The following SLC24A3 variants were observed in gnomAD, a reference collection of about 807,000 sequenced individuals.
The protein encoded by SLC24A3 is solute carrier family 24 member 3, also known as sodium/potassium/calcium exchanger 3.
A neutral mutation model predicts 75.8 loss-of-function variants in SLC24A3; 28 were observed. The ratio of observed to expected loss-of-function variants is 0.37; its 90% CI spans 0.27 to 0.51. The LOEUF is 0.51. SLC24A3 is among the 20% of genes least tolerant of loss of function. SLC24A3 has a pLI of 0.94. For missense variants in SLC24A3, 663 were observed against 847.8 expected, an observed-to-expected ratio of 0.78 and a Z score of 2.71; for synonymous variants, 372 against 334.1, an observed-to-expected ratio of 1.11 and a Z score of -1.24.
At chr20:19,303,672 A>G (rs1465658975) in intron 2 of SLC24A3, among the ~76,000 whole-genome samples, 1 of 152,204 alleles carries the variant, frequency 6.6e-6, no homozygotes, top group East Asian at 1.9e-4. Context: ...GGACTGCTTT[A>G]TCTTCTAAAA....
At chr20:19,319,270 T>C (rs1984653366) in intron 2 of SLC24A3, among the ~76,000 whole-genome samples, 1 of 152,196 alleles carries the variant, frequency 6.6e-6, no homozygotes, top group Admixed American at 6.5e-5. Context: ...TAAATATGCA[T>C]GTGTGTTTAT....
intron 2 of SLC24A3, among the ~76,000 whole-genome samples, chr20:19,482,497 A>C (rs902895038): frequency 2.0e-5 from 3 of 152,196 alleles, no homozygotes; most frequent in African/African-American, 7.2e-5. Flanking sequence ...GGTGCTTATC[A>C]AGTTGAAACT....
At chr20:19,238,699 C>G (rs1982240116) in intron 1 of SLC24A3, among the ~76,000 whole-genome samples, 1 of 152,170 alleles carries the variant, frequency 6.6e-6, no homozygotes, top group African/African-American at 2.4e-5. Context: ...GGGGAGGGAG[C>G]AGTTGCCAGT....
At position 19,585,561 on chromosome 20, in the gene SLC24A3, CT is replaced by C; in HGVS notation, c.612+20del. ...GCTGGGCAGGTAAGACTGGCGGCTT[CT>C]TTGTGATGGCAAAATGTGACATTGG... On this transcript the variant is annotated intron_variant, in intron 6 of 16. Coordinates refer to ENST00000328041, the MANE Select transcript of SLC24A3 (RefSeq NM_020689.4). The C allele has an allele frequency of 6.2e-7, 1 of 1,610,256 alleles. No homozygotes were observed. The highest frequency in any genetic ancestry group is 8.5e-7 in the Non-Finnish European group (1 of 1,177,588).
intron 6 of SLC24A3, among the ~76,000 whole-genome samples, chr20:19,649,845 C>T (rs115576996): frequency 0.012 from 1,756 of 152,310 alleles, 32 homozygotes; most frequent in African/African-American, 0.04. Flanking sequence ...GCTGGTATTA[C>T]CAACCTGGCT....
At chr20:19,312,089 A>G (rs558432702) in intron 2 of SLC24A3, among the ~76,000 whole-genome samples, 2 of 152,360 alleles carry the variant, frequency 1.3e-5, no homozygotes, top group South Asian at 4.1e-4. Flanking sequence ...GAAAATTGCC[A>G]TGTGAACCAA....
intron 2 of SLC24A3, among the ~76,000 whole-genome samples, chr20:19,292,417 A>T (rs1600414767): frequency 1.3e-5 from 2 of 152,212 alleles, no homozygotes; most frequent in African/African-American, 4.8e-5. Context: ...TACTACAAAA[A>T]CCCAGGCGGA....
At chr20:19,403,294 T>A (rs554153056) in intron 2 of SLC24A3, among the ~76,000 whole-genome samples, 7 of 152,234 alleles carry the variant, frequency 4.6e-5, no homozygotes, top group Non-Finnish European at 1.0e-4. Context: ...TTAAACTTGT[T>A]ATTCATTATT....
rs1053262832 is a variant in SLC24A3 at position 19,600,080 on chromosome 20, A to AG, written c.612+14539dup. ...TTGAAGGCCCGTGGGGGTCATTCTG[A>AG]GGGAAGGCCTCAGTGCTCTTGGTAC... On this transcript the variant is annotated intron_variant, in intron 6 of 16. Coordinates refer to ENST00000328041, the MANE Select transcript of SLC24A3 (RefSeq NM_020689.4). 4.7e-4 allele frequency among the ~76,000 whole-genome samples: 71 copies of AG among 152,230 alleles called. 1 individual carries two copies. Among genetic ancestry groups the AG allele is most frequent in the Middle Eastern group, 6.8e-3 (2 of 294 alleles).
At chr20:19,571,301 T>G (rs1324734686) in intron 3 of SLC24A3, among the ~76,000 whole-genome samples, 2 of 152,252 alleles carry the variant, frequency 1.3e-5, no homozygotes, top group African/African-American at 4.8e-5. Flanking sequence ...CAAACCTTGT[T>G]CCCAGAGCCT....
chr20:19,316,172 T>C (rs1984581243), intron 2 of SLC24A3, among the ~76,000 whole-genome samples: 1 of 152,210 alleles, frequency 6.6e-6, no homozygotes, highest in South Asian at 2.1e-4. Context: ...CTACTGAATG[T>C]GCATCACTTT....
At chr20:19,472,542 CCCT>C (rs1023594007) in intron 2 of SLC24A3, among the ~76,000 whole-genome samples, 16 of 152,292 alleles carry the variant, frequency 1.1e-4, no homozygotes, top group African/African-American at 3.8e-4. Context: ...TGTGTTACTT[CCCT>C]CCTCCAGCCA....
intron 1 of SLC24A3, among the ~76,000 whole-genome samples, chr20:19,234,864 C>T (rs1300474913): frequency 6.6e-6 from 1 of 152,224 alleles, no homozygotes; most frequent in Non-Finnish European, 1.5e-5. Flanking sequence ...TGGTCACACA[C>T]ACTCCTTATA....
At chr20:19,327,005 C>A (rs537767030) in intron 2 of SLC24A3, among the ~76,000 whole-genome samples, 1 of 152,218 alleles carries the variant, frequency 6.6e-6, no homozygotes, top group African/African-American at 2.4e-5. Context: ...TTGCGGCCTT[C>A]CCATTTTATG....
intron 2 of SLC24A3, among the ~76,000 whole-genome samples, chr20:19,292,438 A>G (rs1983963666): frequency 6.6e-6 from 1 of 152,228 alleles, no homozygotes; most frequent in Non-Finnish European, 1.5e-5. Context: ...AAGTAAAAAT[A>G]GTCTTAGTTG....
chr20:19,291,171 G>T (rs1340735260), intron 2 of SLC24A3, among the ~76,000 whole-genome samples: 1 of 152,212 alleles, frequency 6.6e-6, no homozygotes, highest in African/African-American at 2.4e-5. Context: ...GGGCCTTGGG[G>T]CACATCTCCC....
Position 19,323,184 on chromosome 20 carries a change from C to T in SLC24A3, c.271+42097C>T, listed in dbSNP as rs1432311255. ...TCGCGCCACTGCACTCCAGCCTGGG[C>T]GACAGAGCGAGACTCCGTCTCAAAA... On this transcript the variant is annotated intron_variant, in intron 2 of 16. Transcript: ENST00000328041. Among the ~76,000 whole-genome samples the T allele has an allele frequency of 9.6e-5, 12 of 124,468 alleles. 1 individual carries two copies. The East Asian group carries it at 1.8e-3, about 18-fold the overall frequency. 81.7% of individuals were successfully genotyped at this position (124,468 alleles called of 152,430 possible).
chr20:19,691,185 G>T (rs910291857), intron 12 of SLC24A3, among the ~76,000 whole-genome samples: 2 of 152,152 alleles, frequency 1.3e-5, no homozygotes, highest in African/African-American at 4.8e-5. Context: ...AAAAATATTT[G>T]CTATGAAACA....
rs77511714 is a variant in SLC24A3 at position 19,248,177 on chromosome 20, T to C, written c.143-32782T>C. Among the ~76,000 whole-genome samples, 1,057 of 152,314 alleles carry C rather than the reference T, an allele frequency of 6.9e-3. 5 individuals carry two copies. The highest frequency in any genetic ancestry group is 0.017 in the East Asian group (89 of 5,176). Reference sequence around the variant, plus strand: ...GAGGGCTTGGAGAAAATCTACCATGTTTCTGCCACGTTGCCTCCTTGTGGG... The same window carrying C: ...GAGGGCTTGGAGAAAATCTACCATGCTTCTGCCACGTTGCCTCCTTGTGGG... On this transcript the variant is annotated intron_variant, in intron 1 of 16. Coordinates refer to ENST00000328041, the MANE Select transcript of SLC24A3 (RefSeq NM_020689.4).
Sources: allele counts gnomAD v4.1 joint callset (sites outside exome capture counted in the v4.1 genomes callset), GRCh38; gene constraint gnomAD v4.1.1; transcripts MANE v1.5; gene names NCBI Gene and HGNC (gene_info 2026-07-23, HGNC 2026-07-21).